The following DDX10 variants were observed in gnomAD, a reference collection of about 807,000 sequenced individuals.
The protein encoded by DDX10 is DEAD-box helicase 10.
A neutral mutation model predicts 104.3 loss-of-function variants in DDX10; 74 were observed. That is an observed-to-expected ratio of 0.71 (90% CI 0.59 to 0.86). DDX10 has a LOEUF of 0.86. Among genes scored for constraint, DDX10 ranks in the 40% least tolerant of loss-of-function variants. DDX10 has a pLI of 0.00. For missense variants in DDX10, 952 were observed against 1,040.0 expected (o/e 0.92, Z 1.16); for synonymous variants, 351 against 353.4 (o/e 0.99, Z 0.08).
chr11:108,690,120 A>ACTT (rs2094250150), intron 7 of DDX10, among the ~76,000 whole-genome samples: 1 of 152,122 alleles, frequency 6.6e-6, no homozygotes, highest in African/African-American at 2.4e-5. Flanking sequence ...GTCTCCTGGG[A>ACTT]GCATTCCTCA....
At chr11:108,827,703 A>G (rs1420166065) in intron 13 of DDX10, among the ~76,000 whole-genome samples, 2 of 151,920 alleles carry the variant, frequency 1.3e-5, no homozygotes, top group Non-Finnish European at 2.9e-5. Flanking sequence ...CTTCCCTTGC[A>G]TTGCCCACCC....
chr11:108,770,619 T>G (rs927895718), intron 13 of DDX10, among the ~76,000 whole-genome samples: 1 of 152,028 alleles, frequency 6.6e-6, no homozygotes, highest in Non-Finnish European at 1.5e-5. Flanking sequence ...TATGAAATGT[T>G]TGTCTTTCTG....
chr11:108,762,713 G>C (rs1026394610), intron 13 of DDX10, among the ~76,000 whole-genome samples: 1 of 152,152 alleles, frequency 6.6e-6, no homozygotes, highest in Non-Finnish European at 1.5e-5. Context: ...GTTAAGTCTA[G>C]ATCATGGTCT....
intron 14 of DDX10, 33 bp downstream of exon 14, chr11:108,838,598 G>C: frequency 6.3e-7 from 1 of 1,588,072 alleles, no homozygotes; most frequent in Non-Finnish European, 8.6e-7. Context: ...TTTCTGAGGT[G>C]CATTTGGAGT....
intron 16 of DDX10, among the ~76,000 whole-genome samples, chr11:108,906,561 A>G (rs1359628944): frequency 2.0e-5 from 3 of 152,242 alleles, no homozygotes; most frequent in East Asian, 3.8e-4. Flanking sequence ...AGGACACACA[A>G]CTAGCCATTA....
chr11:108,812,296 T>G (rs1038865472), intron 13 of DDX10, among the ~76,000 whole-genome samples: 11 of 152,216 alleles, frequency 7.2e-5, no homozygotes, highest in African/African-American at 2.7e-4. Flanking sequence ...TGAAATAAGC[T>G]TAATTTTTGC....
Position 108,875,783 on chromosome 11 carries a change from T to G in DDX10, c.2304+23574T>G, listed in dbSNP as rs370606936. ...GTTGATTAGCTTCTTACTACTGCCC[T>G]TTATAAGGAGGTGGTTACCGTTGCA... is the stretch of plus-strand genomic sequence containing the variant. On this transcript the variant is annotated intron_variant, in intron 16 of 17. Coordinates refer to ENST00000322536, the MANE Select transcript of DDX10 (RefSeq NM_004398.4). Among the ~76,000 whole-genome samples the G allele has an allele frequency of 2.8e-4, 42 of 152,292 alleles. 1 individual carries two copies. Among genetic ancestry groups the G allele is most frequent in the African/African-American group, 1.0e-3 (42 of 41,574 alleles).
chr11:108,905,013 CTTA>C (rs1863570951), intron 16 of DDX10, among the ~76,000 whole-genome samples: 1 of 152,144 alleles, frequency 6.6e-6, no homozygotes, highest in Non-Finnish European at 1.5e-5. Flanking sequence ...GACCTATGTT[CTTA>C]TTATCAGTTC....
At chr11:108,901,003 C>T (rs904481942) in intron 16 of DDX10, among the ~76,000 whole-genome samples, 1 of 152,144 alleles carries the variant, frequency 6.6e-6, no homozygotes, top group Admixed American at 6.5e-5. Flanking sequence ...AGTGAAATGG[C>T]ATCTCCTTCA....
intron 9 of DDX10, among the ~76,000 whole-genome samples, chr11:108,704,847 A>G (rs953525281): frequency 1.6e-4 from 25 of 152,190 alleles, no homozygotes; most frequent in African/African-American, 5.8e-4. Context: ...GTAGGTGTGA[A>G]GAAGATGAAA....
intron 13 of DDX10, among the ~76,000 whole-genome samples, chr11:108,755,595 G>C (rs1197573666): frequency 6.6e-6 from 1 of 151,932 alleles, no homozygotes; most frequent in African/African-American, 2.4e-5. Flanking sequence ...GTACCTCTGA[G>C]GCTTTTGAGC....
rs1203484847 is a variant in DDX10 at position 108,710,484 on chromosome 11, A to G, written c.1322+3647A>G. On this transcript the variant is annotated intron_variant, in intron 10 of 17. Coordinates refer to ENST00000322536, the MANE Select transcript of DDX10 (RefSeq NM_004398.4). Reference sequence around the variant, plus strand: ...TTTTAAATGGAGCCTAGGCCTACACAGGGTCAGGATCATTAATATCACTGT... The same window carrying G: ...TTTTAAATGGAGCCTAGGCCTACACGGGGTCAGGATCATTAATATCACTGT... Among the ~76,000 whole-genome samples, 3 of 151,870 alleles carry G rather than the reference A, an allele frequency of 2.0e-5. No homozygotes were observed. The East Asian group carries it at 5.8e-4, about 29-fold the overall frequency.
intron 1 of DDX10, among the ~76,000 whole-genome samples, chr11:108,670,311 G>A (rs181133639): frequency 1.3e-5 from 2 of 152,208 alleles, no homozygotes; most frequent in South Asian, 2.1e-4. Context: ...TGTCCGTGAA[G>A]GCTGAAGGAG....
intron 16 of DDX10, among the ~76,000 whole-genome samples, chr11:108,899,328 G>A (rs1863483686): frequency 1.3e-5 from 2 of 150,620 alleles, no homozygotes; most frequent in Admixed American, 6.6e-5. Context: ...AATTTATGAT[G>A]CCTGAAGACA....
At chr11:108,939,741 T>G (rs549240764) in intron 17 of DDX10, among the ~76,000 whole-genome samples, 1 of 152,368 alleles carries the variant, frequency 6.6e-6, no homozygotes, top group African/African-American at 2.4e-5. Flanking sequence ...TGGAGGAAAT[T>G]TATTTGATGT....
chr11:108,720,298 CAG>C (rs1224519725), intron 12 of DDX10, among the ~76,000 whole-genome samples: 1 of 152,180 alleles, frequency 6.6e-6, no homozygotes, highest in Non-Finnish European at 1.5e-5. Context: ...TTAAAGGAGA[CAG>C]AGAGCAACCA....
chr11:108,789,664 G>A (rs1000358569), intron 13 of DDX10, among the ~76,000 whole-genome samples: 9 of 152,146 alleles, frequency 5.9e-5, no homozygotes, highest in African/African-American at 2.2e-4. Flanking sequence ...AGCCAAACTT[G>A]TATCTCAAAA....
rs189044151 is a variant in DDX10, at chr11:108,886,161, C to T, written c.2305-31712C>T. Among the ~76,000 whole-genome samples, 6 of 152,274 alleles carry T rather than the reference C, an allele frequency of 3.9e-5. No homozygotes were observed. In the East Asian group the frequency reaches 9.6e-4, roughly 24 times the overall value. ...TAAGGGGAAGGGTATATGATTCATT[C>T]TCCTCTGATATCTGCATACCACTTG... On this transcript the variant is annotated intron_variant, in intron 16 of 17. Coordinates refer to ENST00000322536, the MANE Select transcript of DDX10 (RefSeq NM_004398.4).
At chr11:108,849,673 A>G (rs922712977) in intron 15 of DDX10, among the ~76,000 whole-genome samples, 1 of 152,110 alleles carries the variant, frequency 6.6e-6, no homozygotes, top group Non-Finnish European at 1.5e-5. Flanking sequence ...ACTAAAGATA[A>G]CATTTTGCCT....
Sources: allele counts gnomAD v4.1 joint callset (sites outside exome capture counted in the v4.1 genomes callset), GRCh38; gene constraint gnomAD v4.1.1; transcripts MANE v1.5; gene names NCBI Gene and HGNC (gene_info 2026-07-23, HGNC 2026-07-21).